SCN9A: variants seen among roughly 807,000 people sequenced by gnomAD.
The protein encoded by SCN9A is sodium voltage-gated channel alpha subunit 9, also known as sodium channel protein type 9 subunit alpha.
Under a neutral mutation model 187.0 loss-of-function variants are expected in SCN9A, and 131 were observed. That is an observed-to-expected ratio of 0.70 (90% CI 0.61 to 0.81). The LOEUF (loss-of-function observed/expected upper bound fraction) is 0.81. Among genes scored for constraint, SCN9A ranks in the 30% least tolerant of loss-of-function variants. SCN9A has a pLI of 0.00. For missense variants in SCN9A, 2,252 were observed against 2,396.6 expected (o/e 0.94, Z 1.26); for synonymous variants, 809 against 808.6 (o/e 1.00, Z -0.01).
intron 24 of SCN9A, among the ~76,000 whole-genome samples, chr2:166,208,354 T>G (rs1291766941): frequency 6.6e-6 from 1 of 152,210 alleles, no homozygotes; most frequent in East Asian, 1.9e-4. Context: ...TTGTGTTTGC[T>G]GAGAAGATAA....
At chr2:166,366,241 A>G (rs1254478185) in intron 1 of SCN9A, among the ~76,000 whole-genome samples, 3 of 152,228 alleles carry the variant, frequency 2.0e-5, no homozygotes, top group Non-Finnish European at 4.4e-5. Flanking sequence ...CTTATCTGCC[A>G]GTCTACCTGT....
chr2:166,299,348 C>G (rs547905859), intron 7 of SCN9A, among the ~76,000 whole-genome samples: 1 of 150,796 alleles, frequency 6.6e-6, no homozygotes, highest in South Asian at 2.1e-4. Context: ...TACCTTGAAC[C>G]CTACCACTTA....
chr2:166,364,600 G>A (rs1323990698), intron 1 of SCN9A, among the ~76,000 whole-genome samples: 3 of 152,096 alleles, frequency 2.0e-5, no homozygotes, highest in Non-Finnish European at 4.4e-5. Flanking sequence ...ATGCTATAGG[G>A]TTCCACTTAC....
At chr2:166,325,211 T>G (rs986510352) in intron 1 of SCN9A, among the ~76,000 whole-genome samples, 5 of 152,118 alleles carry the variant, frequency 3.3e-5, no homozygotes, top group African/African-American at 1.2e-4. Flanking sequence ...ATCAGGTAAA[T>G]GCATTGCCAT....
chr2:166,303,865 C>T (rs528051938), intron 6 of SCN9A, among the ~76,000 whole-genome samples: 8 of 152,142 alleles, frequency 5.3e-5, no homozygotes, highest in Non-Finnish European at 1.2e-4. Flanking sequence ...TAGTCATCCT[C>T]ATCCTAAAGA....
At chr2:166,256,814 G>C (rs948917380) in intron 17 of SCN9A, among the ~76,000 whole-genome samples, 8 of 151,550 alleles carry the variant, frequency 5.3e-5, no homozygotes, top group Non-Finnish European at 7.4e-5. Context: ...GCCACCACCA[G>C]AGAAATTCAG....
chr2:166,305,860 G>A lies in SCN9A; in HGVS notation c.528C>T (p.Phe176=). The A allele has an allele frequency of 6.2e-7, 1 of 1,613,298 alleles. No individual in the cohort carries two copies. The highest frequency in any genetic ancestry group is 8.5e-7 in the Non-Finnish European group (1 of 1,179,536). ...GAAGAAAAGTGAATTCTCCTACACA[G>A]AAGCCTCTTGCAAGGATTTTTACAA... The part of the protein sequence containing the change: ...ESLVKILARG[F]CVGEFTFLRD... Residue 176 remains phenylalanine (F), a synonymous_variant, in exon 5 of 27, where the codon TTC becomes TTT. Coordinates refer to ENST00000642356, the MANE Select transcript of SCN9A (RefSeq NM_001365536.1).
chr2:166,374,727 A>G (rs2105335794), intron 1 of SCN9A, among the ~76,000 whole-genome samples: 1 of 152,192 alleles, frequency 6.6e-6, no homozygotes, highest in East Asian at 1.9e-4. Context: ...AATAATAAAT[A>G]TGTTTCTGAA....
chr2:166,351,843 C>T (rs993972389), intron 1 of SCN9A, among the ~76,000 whole-genome samples: 1 of 151,948 alleles, frequency 6.6e-6, no homozygotes, highest in African/African-American at 2.4e-5. Context: ...AAATAATTAC[C>T]ATGAAGCTCA....
intron 7 of SCN9A, among the ~76,000 whole-genome samples, chr2:166,297,825 G>A (rs1352905893): frequency 1.3e-5 from 2 of 151,980 alleles, no homozygotes; most frequent in Non-Finnish European, 2.9e-5. Flanking sequence ...AAAGGTTGTG[G>A]GTGGGGGTAA....
At chr2:166,236,727 G>A (rs1695335170) in intron 20 of SCN9A, among the ~76,000 whole-genome samples, 1 of 152,090 alleles carries the variant, frequency 6.6e-6, no homozygotes, top group African/African-American at 2.4e-5. Context: ...CTGGCCAGAA[G>A]CCAAAAGTTT....
chr2:166,219,140 A>G (rs150356492), intron 24 of SCN9A, among the ~76,000 whole-genome samples: 53 of 152,346 alleles, frequency 3.5e-4, no homozygotes, highest in African/African-American at 1.2e-3. Context: ...TAATTCAACC[A>G]TAATGGAAGA....
In SCN9A at chr2:166,198,758, C is replaced by T. The variant is rs1176829800; in HGVS notation, c.5881G>A (p.Val1961Ile). Reference sequence around the variant, plus strand: ...TATTTCTCTTTGTCTGGCTTTGTTACACTATCATATGAAGGTGGAGAGGTG... The same window carrying T: ...TATTTCTCTTTGTCTGGCTTTGTTATACTATCATATGAAGGTGGAGAGGTG... ...STTSPPSYDS[V>I]TKPDKEKYEQ... Residue 1961 changes from valine to isoleucine, a missense_variant, in exon 27 of 27, where the codon GTA becomes ATA. By Grantham distance (29) the Val-to-Ile change is conservative (BLOSUM62 3). Coordinates refer to ENST00000642356, the MANE Select transcript of SCN9A (RefSeq NM_001365536.1). 1 of 1,613,428 alleles carries T rather than the reference C, an allele frequency of 6.2e-7. No individual in the cohort carries two copies. Among genetic ancestry groups the T allele is most frequent in the Non-Finnish European group, 8.5e-7 (1 of 1,179,568 alleles).
At position 166,272,801 on chromosome 2, in the gene SCN9A, A is replaced by C; in HGVS notation, c.2949T>G (p.Pro983=). 6.6e-7 allele frequency: 1 copy of C among 1,523,410 alleles called. No individual in the cohort carries two copies. The highest frequency in any genetic ancestry group is 1.4e-5 in the South Asian group (1 of 73,228). 94.4% of individuals were successfully genotyped at this position (1,523,410 alleles called of 1,614,324 possible). A position where few individuals can be genotyped will look rare whatever the true frequency, so the allele number is the denominator to read the frequency against. ...SDNLTAIEED[P]DANNLQIAVT... is the part of the protein sequence containing the mutation. The stretch of plus-strand genomic sequence containing the variant: ...CTGCAATCTGGAGGTTGTTTGCATC[A>C]GGGTCTTCTTCAATTGCTGTAAGAT... The change falls in exon 17 of 27, where the codon CCT becomes CCG. Residue 983 remains proline (P), a synonymous_variant. Coordinates refer to ENST00000642356, the MANE Select transcript of SCN9A (RefSeq NM_001365536.1).
intron 19 of SCN9A, among the ~76,000 whole-genome samples, chr2:166,239,081 C>A (rs1315163485): frequency 6.6e-6 from 1 of 152,070 alleles, no homozygotes; most frequent in Non-Finnish European, 1.5e-5. Context: ...AGTGAAAGGA[C>A]AGGGTGACTT....
At chr2:166,225,386 T>A (rs1335368066) in intron 24 of SCN9A, among the ~76,000 whole-genome samples, 1 of 152,178 alleles carries the variant, frequency 6.6e-6, no homozygotes, top group Non-Finnish European at 1.5e-5. Context: ...TGTTAATTTT[T>A]CTTATTGTAT....
chr2:166,325,449 G>A, intron 1 of SCN9A, among the ~76,000 whole-genome samples: 1 of 152,032 alleles, frequency 6.6e-6, no homozygotes, highest in Non-Finnish European at 1.5e-5. Flanking sequence ...TCAGGAATGA[G>A]CTTATGACTT....
chr2:166,228,246 A>ATTTTTTTTTTTTTT (rs1694924278), intron 22 of SCN9A, among the ~76,000 whole-genome samples: 1 of 112,670 alleles, frequency 8.9e-6, no homozygotes, highest in African/African-American at 3.5e-5. Context: ...AAAGACCAAC[A>ATTTTTTTTTTTTTT]CTTTTTTTTT....
intron 18 of SCN9A, among the ~76,000 whole-genome samples, chr2:166,243,370 T>C (rs1558977905): frequency 6.6e-6 from 1 of 152,040 alleles, no homozygotes; most frequent in Admixed American, 6.6e-5. Context: ...CCTCAGTGAA[T>C]TTATGTTAGG....
Sources: allele counts gnomAD v4.1 joint callset (sites outside exome capture counted in the v4.1 genomes callset), GRCh38; gene constraint gnomAD v4.1.1; transcripts MANE v1.5; gene names NCBI Gene and HGNC (gene_info 2026-07-23, HGNC 2026-07-21).